The following CDH13 variants were observed in gnomAD, a reference collection of about 807,000 sequenced individuals.
CDH13 encodes the protein cadherin 13.
CDH13 carries 24 observed loss-of-function variants against 63.8 expected under a neutral mutation model. The ratio of observed to expected loss-of-function variants is 0.38; its 90% confidence interval spans 0.27 to 0.53. CDH13 has a LOEUF of 0.53. Ranked by LOEUF, CDH13 falls within the 20% of genes least tolerant of loss-of-function variation. The pLI is 0.85. For missense variants in CDH13, 1,049 were observed against 903.1 expected (o/e 1.16, Z -2.07); for synonymous variants, 503 against 355.3 (o/e 1.42, Z -4.67).
chr16:83,723,898 A>G (rs947861479), intron 10 of CDH13, among the ~76,000 whole-genome samples: 4 of 146,228 alleles, frequency 2.7e-5, no homozygotes, highest in African/African-American at 9.9e-5. Context: ...ATGGATGGAT[A>G]GATGGATGGA....
At chr16:82,802,945 C>T (rs2036940680) in intron 1 of CDH13, among the ~76,000 whole-genome samples, 1 of 152,132 alleles carries the variant, frequency 6.6e-6, no homozygotes, top group African/African-American at 2.4e-5. Flanking sequence ...CTACGGTGTC[C>T]CATTTCAGAA....
At chr16:83,152,920 T>A (rs2037048469) in intron 4 of CDH13, among the ~76,000 whole-genome samples, 1 of 151,898 alleles carries the variant, frequency 6.6e-6, no homozygotes, top group South Asian at 2.1e-4. Flanking sequence ...GAAAGAACAC[T>A]GTGTGAGCAG....
intron 10 of CDH13, among the ~76,000 whole-genome samples, chr16:83,714,213 T>C (rs1242374924): frequency 6.6e-6 from 1 of 152,218 alleles, no homozygotes; most frequent in African/African-American, 2.4e-5. Context: ...TTAGACCCCT[T>C]CTATAGTTTC....
At chr16:82,780,823 C>A (rs2035720417) in intron 1 of CDH13, among the ~76,000 whole-genome samples, 1 of 152,178 alleles carries the variant, frequency 6.6e-6, no homozygotes, top group African/African-American at 2.4e-5. Flanking sequence ...ATGTATAACA[C>A]AGAAGTTGTA....
At chr16:83,330,561 A>G (rs1047238016) in intron 5 of CDH13, among the ~76,000 whole-genome samples, 2 of 152,212 alleles carry the variant, frequency 1.3e-5, no homozygotes, top group Non-Finnish European at 2.9e-5. Flanking sequence ...CCCAAGGGAC[A>G]TGGCATCCCC....
At chr16:82,639,443 C>T in intron 1 of CDH13, 2 of 1,534,926 alleles carry the variant, frequency 1.3e-6, no homozygotes, top group Non-Finnish European at 8.7e-7. Context: ...GGGCGTGACC[C>T]ACCTGCAGCT....
At position 82,934,230 on chromosome 16, in the gene CDH13, A is replaced by G. The variant is rs556292958; in HGVS notation, c.157+75757A>G. On this transcript the variant is annotated intron_variant, in intron 2 of 13. Transcript: ENST00000567109. The stretch of plus-strand genomic sequence containing the variant: ...TCTAGGCAGATGTTCCCAAACTCCA[A>G]TTCTTGATTTCTGTGCATCTGCAGG... Among the ~76,000 whole-genome samples, 498 of 152,250 alleles carry G rather than the reference A, an allele frequency of 3.3e-3. 1 individual carries two copies. Among genetic ancestry groups the G allele is most frequent in the African/African-American group, 0.011 (467 of 41,528 alleles).
chr16:83,293,426 C>G (rs977543605), intron 5 of CDH13, among the ~76,000 whole-genome samples: 1 of 152,086 alleles, frequency 6.6e-6, no homozygotes, highest in South Asian at 2.1e-4. Context: ...AAATGGCACT[C>G]AAATTCCCAG....
At chr16:83,306,825 A>G (rs1359213337) in intron 5 of CDH13, among the ~76,000 whole-genome samples, 1 of 152,174 alleles carries the variant, frequency 6.6e-6, no homozygotes, top group Non-Finnish European at 1.5e-5. Context: ...GAAGCACATG[A>G]AATTGGAAAT....
intron 5 of CDH13, among the ~76,000 whole-genome samples, chr16:83,300,450 A>G (rs2089707120): frequency 6.6e-6 from 1 of 152,240 alleles, no homozygotes; most frequent in African/African-American, 2.4e-5. Context: ...GAGGAATGGA[A>G]GATGTTATCT....
chr16:83,767,091 T>C (rs1399491869), intron 11 of CDH13, among the ~76,000 whole-genome samples: 2 of 152,214 alleles, frequency 1.3e-5, no homozygotes, highest in African/African-American at 4.8e-5. Context: ...ACCATCTCAC[T>C]GTGGCAAGAC....
At chr16:83,559,590 G>A (rs1357546424) in intron 7 of CDH13, among the ~76,000 whole-genome samples, 1 of 150,828 alleles carries the variant, frequency 6.6e-6, no homozygotes, top group African/African-American at 2.4e-5. Context: ...GAGAGAGAGA[G>A]AGAAAAGAAG....
At chr16:83,789,714 C>T (rs541727105) in intron 13 of CDH13, among the ~76,000 whole-genome samples, 1 of 152,244 alleles carries the variant, frequency 6.6e-6, no homozygotes, top group East Asian at 1.9e-4. Flanking sequence ...ATTTTGGGAG[C>T]AAGGAAATCA....
At chr16:83,399,234 G>C (rs1306561930) in intron 6 of CDH13, among the ~76,000 whole-genome samples, 1 of 152,202 alleles carries the variant, frequency 6.6e-6, no homozygotes, top group Non-Finnish European at 1.5e-5. Flanking sequence ...AACAGTGTGG[G>C]TGATAATATT....
intron 5 of CDH13, among the ~76,000 whole-genome samples, chr16:83,221,657 C>T (rs1158516862): frequency 1.2e-4 from 11 of 91,488 alleles, no homozygotes; most frequent in African/African-American, 2.5e-4. Flanking sequence ...GGGAGGAAGA[C>T]GGTGGGGGGG....
intron 1 of CDH13, among the ~76,000 whole-genome samples, chr16:82,700,192 C>T (rs1373916566): frequency 1.3e-5 from 2 of 152,198 alleles, no homozygotes; most frequent in Non-Finnish European, 2.9e-5. Flanking sequence ...TCCTGCGGGA[C>T]TTCTCAGAGG....
intron 7 of CDH13, among the ~76,000 whole-genome samples, chr16:83,522,328 A>G (rs2074858114): frequency 6.6e-6 from 1 of 152,230 alleles, no homozygotes; most frequent in South Asian, 2.1e-4. Flanking sequence ...GATGGAGTGT[A>G]TACGTCCATC....
intron 6 of CDH13, among the ~76,000 whole-genome samples, chr16:83,426,452 A>G (rs1333857462): frequency 1.3e-5 from 2 of 151,930 alleles, no homozygotes; most frequent in South Asian, 2.1e-4. Flanking sequence ...CTCCTGGACC[A>G]TAACCTTTTG....
At chr16:82,780,723 AAACAT>A (rs1328988952) in intron 1 of CDH13, among the ~76,000 whole-genome samples, 1 of 152,268 alleles carries the variant, frequency 6.6e-6, no homozygotes, top group African/African-American at 2.4e-5. Flanking sequence ...TTTTTAAATA[AAACAT>A]AACAGAGTGA....
Sources: allele counts gnomAD v4.1 joint callset (sites outside exome capture counted in the v4.1 genomes callset), GRCh38; gene constraint gnomAD v4.1.1; transcripts MANE v1.5; gene names NCBI Gene and HGNC (gene_info 2026-07-23, HGNC 2026-07-21).